COL4A2: variants seen among roughly 807,000 people sequenced by gnomAD.
COL4A2 encodes the protein collagen alpha-2(IV) chain.
Under a neutral mutation model 200.2 loss-of-function variants are expected in COL4A2, and 99 were observed. The ratio of observed to expected loss-of-function variants is 0.49; its 90% CI spans 0.42 to 0.58. The LOEUF is 0.58. COL4A2 is among the 20% of genes least tolerant of loss of function. COL4A2 has a pLI of 0.00. For synonymous variants in COL4A2, 897 were observed against 900.6 expected (o/e 1.00, Z 0.07); for missense variants, 1,950 against 2,314.1 (o/e 0.84, Z 3.23).
rs553031455 is a variant in COL4A2 at position 110,362,240 on chromosome 13, G to A, written c.180+4688G>A. Among the ~76,000 whole-genome samples, 8 of 152,192 alleles carry A rather than the reference G, an allele frequency of 5.3e-5. No individual in the cohort carries two copies. In the East Asian group the frequency reaches 9.7e-4, roughly 18 times the overall value. ...ATTCAGGGCTCTGTTGTTATTTGAG[G>A]GTCTGTATTTCAAATAATCTCTAGT... On this transcript the variant is annotated intron_variant, in intron 4 of 47. Coordinates refer to ENST00000360467, the MANE Select transcript of COL4A2 (RefSeq NM_001846.4).
At chr13:110,335,354 T>C (rs1321613965) in intron 3 of COL4A2, among the ~76,000 whole-genome samples, 3 of 152,166 alleles carry the variant, frequency 2.0e-5, no homozygotes, top group Non-Finnish European at 4.4e-5. Flanking sequence ...GGGAGGTAAC[T>C]GAATCATGAG....
At chr13:110,419,939 G>T (rs1486416495) in intron 4 of COL4A2, among the ~76,000 whole-genome samples, 1 of 152,174 alleles carries the variant, frequency 6.6e-6, no homozygotes, top group Non-Finnish European at 1.5e-5. Flanking sequence ...TGCTTAAGAG[G>T]TTTTTCTTAT....
chr13:110,493,742 T>C (rs1158610020), intron 39 of COL4A2, among the ~76,000 whole-genome samples: 1 of 152,102 alleles, frequency 6.6e-6, no homozygotes, highest in Non-Finnish European at 1.5e-5. Context: ...ACCCACAGGC[T>C]GGGAGCCAAA....
chr13:110,450,210 C>A, intron 19 of COL4A2, 95 bp from the exon 20 acceptor site: 2 of 1,068,980 alleles, frequency 1.9e-6, no homozygotes, highest in Non-Finnish European at 2.8e-6. Flanking sequence ...CCATGAAGCC[C>A]GCTAGTGCCC....
intron 22 of COL4A2, 149 bp downstream of exon 22, chr13:110,459,083 C>G: frequency 1.3e-6 from 1 of 772,160 alleles, no homozygotes; most frequent in Non-Finnish European, 1.9e-6. Flanking sequence ...TAAAAACCCA[C>G]ATACCCCAAG....
chr13:110,309,785 C>T (rs902674106), intron 3 of COL4A2, among the ~76,000 whole-genome samples: 7 of 152,014 alleles, frequency 4.6e-5, no homozygotes, highest in East Asian at 3.9e-4. Flanking sequence ...CTCAGGAGTT[C>T]GAGACCACCC....
chr13:110,502,755 CT>C (rs1883692693), intron 41 of COL4A2: 1 of 213,360 alleles, frequency 4.7e-6, no homozygotes, highest in African/African-American at 2.4e-5. Flanking sequence ...TACGAGGCCC[CT>C]GAAGTCATCA....
chr13:110,367,739 A>G (rs1488554840), intron 4 of COL4A2, among the ~76,000 whole-genome samples: 1 of 152,232 alleles, frequency 6.6e-6, no homozygotes, highest in Admixed American at 6.5e-5. Context: ...ACAGAATCCT[A>G]TGAGCCTGGA....
chr13:110,505,150 A>T (rs1165588361), intron 45 of COL4A2, among the ~76,000 whole-genome samples: 5 of 151,462 alleles, frequency 3.3e-5, no homozygotes, highest in Admixed American at 6.6e-5. Context: ...GGAGATCGAG[A>T]CCATCCTGGC....
intron 39 of COL4A2, among the ~76,000 whole-genome samples, chr13:110,493,585 G>A (rs985538041): frequency 1.3e-5 from 2 of 152,130 alleles, no homozygotes; most frequent in Non-Finnish European, 2.9e-5. Context: ...TGGGAGGGTG[G>A]GATGCACCTG....
At chr13:110,405,381 G>A (rs1879524189) in intron 4 of COL4A2, among the ~76,000 whole-genome samples, 1 of 152,182 alleles carries the variant, frequency 6.6e-6, no homozygotes, top group South Asian at 2.1e-4. Flanking sequence ...AGCCTGGGTT[G>A]AGTCTGTGTC....
At chr13:110,324,779 T>C (rs1885363178) in intron 3 of COL4A2, among the ~76,000 whole-genome samples, 1 of 152,164 alleles carries the variant, frequency 6.6e-6, no homozygotes, top group Admixed American at 6.5e-5. Context: ...TAGAAAAATG[T>C]GTAGGTGGGG....
At position 110,457,398 on chromosome 13, in the gene COL4A2, C is replaced by T. The variant is rs201543646; in HGVS notation, c.1395C>T (p.Pro465=). Residue 465 remains proline (P), a synonymous_variant, in exon 21 of 48, where the codon CCC becomes CCT. Coordinates refer to ENST00000360467, the MANE Select transcript of COL4A2 (RefSeq NM_001846.4). ...AKGRAGFPGL[P]GSPGARGPKG... is the part of the protein sequence containing the mutation. Reference sequence around the variant, plus strand: ...GAAGAGCAGGCTTCCCTGGGCTTCCCGGCTCCCCTGGAGCCCGCGGACCAA... The same window carrying T: ...GAAGAGCAGGCTTCCCTGGGCTTCCTGGCTCCCCTGGAGCCCGCGGACCAA... 31 of 1,613,004 alleles carry T rather than the reference C, an allele frequency of 1.9e-5. No individual in the cohort carries two copies. In the Admixed American group the frequency reaches 2.3e-4, roughly 12 times the overall value.
rs1323428516 is a variant in COL4A2 at position 110,424,876 on chromosome 13, C to G, written c.315+8C>G. 3 of 1,614,120 alleles carry G rather than the reference C, an allele frequency of 1.9e-6. No individual in the cohort carries two copies. The highest frequency in any genetic ancestry group is 2.5e-6 in the Non-Finnish European group (3 of 1,180,000). On this transcript the variant is annotated splice_region_variant and intron_variant, in intron 5 of 47. Coordinates refer to ENST00000360467, the MANE Select transcript of COL4A2 (RefSeq NM_001846.4). Reference sequence around the variant, plus strand: ...GGACCCAAGGGCGACGTGGTACGCACCGCTGGTGTATTCCCCTGGCCTCAT... The same window carrying G: ...GGACCCAAGGGCGACGTGGTACGCAGCGCTGGTGTATTCCCCTGGCCTCAT...
intron 4 of COL4A2, among the ~76,000 whole-genome samples, chr13:110,383,824 C>G (rs548369479): frequency 6.6e-6 from 1 of 152,180 alleles, no homozygotes; most frequent in South Asian, 2.1e-4. Context: ...GTTGGCTAGG[C>G]TGGTCTCGAA....
chr13:110,341,232 A>C (rs1028779351), intron 3 of COL4A2, among the ~76,000 whole-genome samples: 1 of 152,206 alleles, frequency 6.6e-6, no homozygotes, highest in African/African-American at 2.4e-5. Flanking sequence ...GCTTCTCCCC[A>C]GTAGAGTGTC....
At chr13:110,448,527 C>T (rs1397653218) in intron 18 of COL4A2, among the ~76,000 whole-genome samples, 1 of 152,166 alleles carries the variant, frequency 6.6e-6, no homozygotes, top group African/African-American at 2.4e-5. Context: ...AGCAGATTCC[C>T]TCAGGGAAAA....
chr13:110,477,421 A>G (rs1366242241), intron 29 of COL4A2, among the ~76,000 whole-genome samples: 1 of 152,262 alleles, frequency 6.6e-6, no homozygotes, highest in Non-Finnish European at 1.5e-5. Context: ...AGTGCGATGT[A>G]TCTTTTAAAC....
rs942265577 is a variant in COL4A2 at position 110,478,188 on chromosome 13, A to G, written c.2587+24A>G. On this transcript the variant is annotated intron_variant, in intron 30 of 47. Transcript: ENST00000360467. ...AGGTAAGACCCCAGCCCTCCCATAAACGAGTGGGGTCCTCACTGGTCCTGC... is the reference window on the plus strand; with the variant it reads ...AGGTAAGACCCCAGCCCTCCCATAAGCGAGTGGGGTCCTCACTGGTCCTGC... The G allele has an allele frequency of 7.2e-6, 11 of 1,537,380 alleles. No homozygotes were observed. In the Middle Eastern group the frequency reaches 7.0e-4, roughly 97 times the overall value.
Sources: gnomAD v4.1 joint callset for allele counts (sites outside exome capture counted in the v4.1 genomes callset) on GRCh38, gnomAD v4.1.1 for gene constraint, MANE v1.5 for transcripts, NCBI Gene and HGNC (gene_info 2026-07-23, HGNC 2026-07-21) for gene names.